Variants in NSUN7 observed in about 807,000 individuals in gnomAD.
The protein encoded by NSUN7 is NOP2/Sun RNA methyltransferase family member 7, also known as protein NSUN7.
Under a neutral mutation model 58.5 loss-of-function variants are expected in NSUN7, and 39 were observed. The observed-to-expected ratio is 0.67, with a 90% CI of 0.52 to 0.87. The LOEUF is 0.87. Ranked by LOEUF, NSUN7 falls within the 40% of genes least tolerant of loss-of-function variation. NSUN7 has a pLI of 0.00. For missense variants in NSUN7, 765 were observed against 844.1 expected (o/e 0.91, Z 1.16); for synonymous variants, 278 against 303.7 (o/e 0.92, Z 0.88).
chr4:40,776,529 GTATCATTTAATAAATAAGAATGAT>G (rs59093879), intron 7 of NSUN7: 2,644 of 244,196 alleles, frequency 0.011, 69 homozygotes, highest in African/African-American at 0.057. Flanking sequence ...AAGTAGAAAT[GTATCATTTAATAAATAAGAATGAT>G]TATCATTTAA....
intron 2 of NSUN7, among the ~76,000 whole-genome samples, chr4:40,754,365 C>T (rs1037866661): frequency 4.6e-5 from 7 of 152,132 alleles, no homozygotes; most frequent in Admixed American, 2.0e-4. Flanking sequence ...CCAGGCTGGT[C>T]TTGAACTCCT....
At chr4:40,784,682 G>C (rs1213622894) in intron 7 of NSUN7, among the ~76,000 whole-genome samples, 2 of 152,202 alleles carry the variant, frequency 1.3e-5, no homozygotes, top group Non-Finnish European at 2.9e-5. Flanking sequence ...TGGGAGTGAA[G>C]AAAGTGTTGC....
chr4:40,750,771 T>A lies in NSUN7; in HGVS notation c.78T>A (p.Pro26=). 3 of 1,614,146 alleles carry A rather than the reference T, an allele frequency of 1.9e-6. No individual in the cohort carries two copies. The highest frequency in any genetic ancestry group is 2.5e-6 in the Non-Finnish European group (3 of 1,180,022). The part of the protein sequence containing the change: ...PEIISQLTSL[P]LSGGKSSAGV... The stretch of plus-strand genomic sequence containing the variant: ...TCATCTCCCAACTCACTTCCCTGCC[T>A]CTGTCCGGTGGGAAAAGCTCAGCTG... The change falls in exon 2 of 12, where the codon CCT becomes CCA. Residue 26 remains proline (P), a synonymous_variant. Transcript: ENST00000381782.
chr4:40,789,134 T>C (rs1020149447), intron 7 of NSUN7, among the ~76,000 whole-genome samples: 1 of 152,214 alleles, frequency 6.6e-6, no homozygotes, highest in African/African-American at 2.4e-5. Flanking sequence ...TTTGCCTCTT[T>C]CTCTCTGTCC....
At chr4:40,796,365 G>T (rs941949766) in intron 9 of NSUN7, among the ~76,000 whole-genome samples, 1 of 151,880 alleles carries the variant, frequency 6.6e-6, no homozygotes, top group Non-Finnish European at 1.5e-5. Flanking sequence ...AGTGGGCTAG[G>T]CATGGTGGCT....
At chr4:40,755,880 C>T (rs1478311819) in intron 2 of NSUN7, among the ~76,000 whole-genome samples, 2 of 152,144 alleles carry the variant, frequency 1.3e-5, no homozygotes, top group Non-Finnish European at 1.5e-5. Context: ...CTATGGAGAG[C>T]GCTTAATTCT....
At position 40,774,750 on chromosome 4, in the gene NSUN7, ATGT is replaced by A. The variant is rs1196269514; in HGVS notation, c.642-13_642-11del. 1 of 1,413,156 alleles carries A rather than the reference ATGT, an allele frequency of 7.1e-7. No homozygotes were observed. Among genetic ancestry groups the A allele is most frequent in the Non-Finnish European group, 9.7e-7 (1 of 1,031,030 alleles). 87.5% of individuals were successfully genotyped at this position (1,413,156 alleles called of 1,614,324 possible). On this transcript the variant is annotated splice_polypyrimidine_tract_variant and intron_variant, in intron 5 of 11. Transcript: ENST00000381782. ...GTATTATATTTGTAATTACAAGCTA[ATGT>A]TGTATATTTACAGCCCTGAAGAAGT...
At chr4:40,782,547 CAAAAAAA>C (rs78502337) in intron 7 of NSUN7, among the ~76,000 whole-genome samples, 1 of 118,556 alleles carries the variant, frequency 8.4e-6, no homozygotes, top group African/African-American at 3.2e-5. Flanking sequence ...CACCCTGTCT[CAAAAAAA>C]AAAAAAAAGA....
intron 10 of NSUN7, among the ~76,000 whole-genome samples, chr4:40,802,281 T>C (rs1743619795): frequency 6.6e-6 from 1 of 152,212 alleles, no homozygotes; most frequent in African/African-American, 2.4e-5. Context: ...CTTTCTATAC[T>C]AATATGACAA....
In NSUN7 at chr4:40,809,444, CAT is replaced by C. The variant is rs773472628; in HGVS notation, c.*506_*507del. The stretch of plus-strand genomic sequence containing the variant: ...AGCTGTTCTTTGAACAGGGAATGAA[CAT>C]GAGTTTTTGTAACGTGACTGAAGTT... On this transcript the variant is annotated 3_prime_UTR_variant, in exon 12 of 12. Coordinates refer to ENST00000381782, the MANE Select transcript of NSUN7 (RefSeq NM_024677.6). 1 of 152,298 alleles carries C rather than the reference CAT, an allele frequency of 6.6e-6. No homozygotes were observed. The highest frequency in any genetic ancestry group is 1.5e-5 in the Non-Finnish European group (1 of 68,104). 9.4% of individuals were successfully genotyped at this position (152,298 alleles called of 1,614,324 possible).
Position 40,782,327 on chromosome 4 carries a change from C to T in NSUN7, c.1036+6068C>T, listed in dbSNP as rs143263231. 1.3e-4 allele frequency among the ~76,000 whole-genome samples: 20 copies of T among 151,990 alleles called. No homozygotes were observed. The East Asian group carries it at 3.7e-3, about 28-fold the overall frequency. On this transcript the variant is annotated intron_variant, in intron 7 of 11. Transcript: ENST00000381782. Reference sequence around the variant, plus strand: ...TGGATGCTGTGGCTTATGTGGGAGGCTGAGGTGGGTAGATCACTTTGAGCT... The same window carrying T: ...TGGATGCTGTGGCTTATGTGGGAGGTTGAGGTGGGTAGATCACTTTGAGCT...
Position 40,807,191 on chromosome 4 carries a change from A to G in NSUN7, c.1524+7A>G, listed in dbSNP as rs1245847783. 9 of 1,123,642 alleles carry G rather than the reference A, an allele frequency of 8.0e-6. No individual in the cohort carries two copies. The highest frequency in any genetic ancestry group is 5.5e-5 in the Admixed American group (1 of 18,090). The allele number at this position is 1,123,642 out of a possible 1,614,324, so 69.6% of individuals were successfully genotyped here. ...TTCTATTTTAACAAGGGAGGTAAGG[A>G]AAAAAAATCCTAATCCATGTCATAC... On this transcript the variant is annotated splice_region_variant and intron_variant, in intron 11 of 11. Coordinates refer to ENST00000381782, the MANE Select transcript of NSUN7 (RefSeq NM_024677.6).
rs144613729 is a variant in NSUN7, at chr4:40,750,719, A to T, written c.26A>T (p.Glu9Val). 504 of 1,613,604 alleles carry T rather than the reference A, an allele frequency of 3.1e-4. 5 individuals are homozygous for T. The African/African-American group carries it at 6.3e-3, about 20-fold the overall frequency. Reference protein sequence around the residue: MLNSTGELEFSNEEDPEII... With the variant: MLNSTGELVFSNEEDPEII... ...ATGCTGAATTCCACGGGCGAACTGG[A>T]GTTTTCGAACGAAGAAGATCCCGAG... is the stretch of plus-strand genomic sequence containing the variant. The change falls in exon 2 of 12, where the codon GAG becomes GTG. Residue 9 changes from glutamate to valine, a missense_variant. By Grantham distance (121) the Glu-to-Val change is moderately radical. Transcript: ENST00000381782.
Position 40,760,414 on chromosome 4 carries a change from G to C in NSUN7, c.299-20G>C. The C allele has an allele frequency of 6.3e-7, 1 of 1,596,540 alleles. No homozygotes were observed. Among genetic ancestry groups the C allele is most frequent in the African/African-American group, 1.3e-5 (1 of 74,308 alleles). On this transcript the variant is annotated intron_variant, in intron 2 of 11. Coordinates refer to ENST00000381782, the MANE Select transcript of NSUN7 (RefSeq NM_024677.6). The stretch of plus-strand genomic sequence containing the variant: ...TTCCGCTTTGTATTTTCAGTAACAG[G>C]CCTTTCCCTTGTTTTGCAGATCAAG...
intron 10 of NSUN7, 75 bp from the exon 11 acceptor site, chr4:40,806,986 A>G: frequency 7.0e-6 from 10 of 1,433,238 alleles, no homozygotes; most frequent in Non-Finnish European, 9.4e-6. Flanking sequence ...AAAAAAATGT[A>G]GTGTAATTTA....
intron 8 of NSUN7, among the ~76,000 whole-genome samples, chr4:40,792,474 G>A (rs145967229): frequency 3.3e-5 from 5 of 152,308 alleles, no homozygotes; most frequent in Non-Finnish European, 2.9e-5. Flanking sequence ...TATACTGGCC[G>A]GGAGCGGTGG....
intron 7 of NSUN7, among the ~76,000 whole-genome samples, chr4:40,779,357 A>T (rs2154287920): frequency 1.3e-5 from 2 of 152,162 alleles, no homozygotes; most frequent in Middle Eastern, 3.4e-3. Context: ...TAATCCCAGC[A>T]CTTTGGGAGG....
intron 4 of NSUN7, among the ~76,000 whole-genome samples, chr4:40,771,026 G>C (rs1014499338): frequency 6.6e-6 from 1 of 152,122 alleles, no homozygotes; most frequent in African/African-American, 2.4e-5. Flanking sequence ...ACTCCAGCCT[G>C]GTGACAGAGC....
intron 8 of NSUN7, among the ~76,000 whole-genome samples, chr4:40,793,737 C>T (rs1244535108): frequency 6.6e-6 from 1 of 152,034 alleles, no homozygotes; most frequent in Non-Finnish European, 1.5e-5. Flanking sequence ...TATGTTTAAA[C>T]AATTATCTCA....
Sources: allele counts gnomAD v4.1 joint callset (sites outside exome capture counted in the v4.1 genomes callset), GRCh38; gene constraint gnomAD v4.1.1; transcripts MANE v1.5; gene names NCBI Gene and HGNC (gene_info 2026-07-23, HGNC 2026-07-21).